SLC25A28: variants seen among roughly 807,000 people sequenced by gnomAD.
SLC25A28 encodes solute carrier family 25 member 28, also known as mitoferrin-2.
Under a neutral mutation model 31.9 loss-of-function variants are expected in SLC25A28, and 10 were observed. The ratio of observed to expected loss-of-function variants is 0.31; its 90% CI spans 0.19 to 0.53. The LOEUF (loss-of-function observed/expected upper bound fraction) is 0.53. Ranked by LOEUF, SLC25A28 falls within the 20% of genes least tolerant of loss-of-function variation. SLC25A28 has a pLI of 0.95. For missense variants in SLC25A28, 256 were observed against 490.3 expected, an observed-to-expected ratio of 0.52 and a Z score of 4.51; for synonymous variants, 208 against 203.6, an observed-to-expected ratio of 1.02 and a Z score of -0.19.
the SLC25A28 span, among the ~76,000 whole-genome samples, chr10:99,629,038 A>G: frequency 1.3e-5 from 2 of 152,162 alleles, no homozygotes; most frequent in East Asian, 1.9e-4. Flanking sequence ...TATGACTGCT[A>G]TAATTTGGAT....
At chr10:99,633,199 G>A in the SLC25A28 span, among the ~76,000 whole-genome samples, 13 of 152,030 alleles carry the variant, frequency 8.6e-5, no homozygotes, top group South Asian at 8.3e-4. Flanking sequence ...ATCTGTGTGC[G>A]TGATTTTCCT....
chr10:99,624,157 CTTCCTTTCTCCTTCCTTCCTTTT>C (rs2034840183), upstream of SLC25A28, among the ~76,000 whole-genome samples: 1 of 135,350 alleles, frequency 7.4e-6, no homozygotes, highest in African/African-American at 2.7e-5. Context: ...TTCTTTCTTT[CTTCCTTTCTCCTTCCTTCCTTTT>C]TTTCTTCCTT....
the SLC25A28 span, among the ~76,000 whole-genome samples, chr10:99,651,380 G>A: frequency 6.6e-6 from 1 of 152,154 alleles, no homozygotes; most frequent in African/African-American, 2.4e-5. Context: ...TTGGTGAAGT[G>A]CACAAATCTT....
At chr10:99,640,886 G>A in the SLC25A28 span, among the ~76,000 whole-genome samples, 1 of 152,106 alleles carries the variant, frequency 6.6e-6, no homozygotes, top group Non-Finnish European at 1.5e-5. Flanking sequence ...CCCTACAAAG[G>A]ACATGAATTC....
chr10:99,620,091 G>A lies in SLC25A28; in HGVS notation c.245C>T (p.Ala82Val). 1 of 1,580,488 alleles carries A rather than the reference G, an allele frequency of 6.3e-7. No individual in the cohort carries two copies. Residue 82 changes from alanine (A) to valine (V), a missense_variant, in exon 1 of 4, where the codon GCA becomes GTA. This residue lies in a region of SLC25A28 where 158 missense variants were observed against 379.1 expected (regional missense o/e 0.42). Coordinates refer to ENST00000370495, the MANE Select transcript of SLC25A28 (RefSeq NM_031212.4). ...CATCACGCAGTGCTCCAGGATCCCT[G>A]CCACGGCGCCTGCCACCATGTGCGT... Reference protein sequence around the residue: ...VTTHMVAGAVAGILEHCVMYP... With the variant: ...VTTHMVAGAVVGILEHCVMYP...
At chr10:99,652,438 T>G in the SLC25A28 span, among the ~76,000 whole-genome samples, 1 of 152,122 alleles carries the variant, frequency 6.6e-6, no homozygotes, top group African/African-American at 2.4e-5. Flanking sequence ...AATGCCCCTT[T>G]TTTTTTGTCC....
At chr10:99,649,525 A>C in the SLC25A28 span, among the ~76,000 whole-genome samples, 1 of 152,222 alleles carries the variant, frequency 6.6e-6, no homozygotes, top group Non-Finnish European at 1.5e-5. Context: ...CAGAAGAATT[A>C]GCAATAGTTC....
At chr10:99,629,743 G>A in the SLC25A28 span, among the ~76,000 whole-genome samples, 1 of 152,234 alleles carries the variant, frequency 6.6e-6, no homozygotes, top group African/African-American at 2.4e-5. Flanking sequence ...AGATGCAGCA[G>A]GCAGGGGAGA....
intron 2 of SLC25A28, 63 bp from the exon 3 acceptor site, chr10:99,612,662 C>T (rs1056174916): frequency 6.3e-7 from 1 of 1,587,372 alleles, no homozygotes; most frequent in Non-Finnish European, 8.7e-7. Context: ...CATTGAGGTC[C>T]CCCAGTGAAG....
At chr10:99,623,975 T>C (rs1241011211), upstream of SLC25A28, among the ~76,000 whole-genome samples, 1 of 152,180 alleles carries the variant, frequency 6.6e-6, no homozygotes, top group East Asian at 1.9e-4. Flanking sequence ...CCTGAAGAAT[T>C]TGTTAAAATG....
At chr10:99,635,673 A>G in the SLC25A28 span, among the ~76,000 whole-genome samples, 1 of 51,602 alleles carries the variant, frequency 1.9e-5, no homozygotes, top group South Asian at 8.3e-4. Flanking sequence ...GCATGATTCC[A>G]TCTCAAAAAA....
rs1266749953 is a variant in SLC25A28 at position 99,611,677 on chromosome 10, T to C, written c.578-311A>G. ...AGAGTCTTCTTGAACTAAGTACCTATCTCTGATCTTACCCTCTAACAATTC... is the reference window on the plus strand; with the variant it reads ...AGAGTCTTCTTGAACTAAGTACCTACCTCTGATCTTACCCTCTAACAATTC... On this transcript the variant is annotated intron_variant, in intron 3 of 3. Transcript: ENST00000370495. The surrounding 1 kb of genome is among the most constrained non-coding windows in gnomAD (Gnocchi z 5.5). Among the ~76,000 whole-genome samples the C allele has an allele frequency of 6.6e-6, 1 of 152,130 alleles. No individual in the cohort carries two copies. Among genetic ancestry groups the C allele is most frequent in the African/African-American group, 2.4e-5 (1 of 41,416 alleles).
chr10:99,633,423 C>T, the SLC25A28 span, among the ~76,000 whole-genome samples: 1 of 151,926 alleles, frequency 6.6e-6, no homozygotes, highest in South Asian at 2.1e-4. Context: ...AGGCCAGGCG[C>T]GGTGGCTCAC....
At chr10:99,636,332 A>G in the SLC25A28 span, among the ~76,000 whole-genome samples, 1 of 152,354 alleles carries the variant, frequency 6.6e-6, no homozygotes, top group African/African-American at 2.4e-5. Flanking sequence ...CTTCAAAACC[A>G]TGCAAATATA....
the SLC25A28 span, among the ~76,000 whole-genome samples, chr10:99,627,574 G>T: frequency 1.3e-5 from 2 of 151,618 alleles, no homozygotes; most frequent in Non-Finnish European, 2.9e-5. Context: ...CCAAGTAGCT[G>T]GGACTATAGT....
Position 99,610,790 on chromosome 10 carries a change from G to T in SLC25A28, c.*59C>A. 1 of 1,560,814 alleles carries T rather than the reference G, an allele frequency of 6.4e-7. No homozygotes were observed. On this transcript the variant is annotated 3_prime_UTR_variant, in exon 4 of 4. Transcript: ENST00000370495. ...TGAGGTGGGAGCATTCCAGGAGACA[G>T]AGAATGTGACCAGGATGCAGCAGTG...
upstream of SLC25A28, chr10:99,622,689 C>T (rs1045993949): frequency 2.0e-6 from 2 of 985,358 alleles, no homozygotes; most frequent in Non-Finnish European, 2.4e-6. Context: ...ATCTCAGTCG[C>T]TTACACTTCT....
the SLC25A28 span, among the ~76,000 whole-genome samples, chr10:99,651,552 T>C: frequency 1.3e-5 from 2 of 151,238 alleles, no homozygotes; most frequent in Admixed American, 1.3e-4. Flanking sequence ...CTCTTAGTAG[T>C]GTGTTTTGAA....
intron 1 of SLC25A28, 101 bp downstream of exon 1, chr10:99,619,944 A>G (rs1356194715): frequency 3.2e-6 from 4 of 1,245,170 alleles, no homozygotes; most frequent in Non-Finnish European, 4.2e-6. Flanking sequence ...CCAGGAAGGA[A>G]CCCATGTCGG....
Sources: allele counts gnomAD v4.1 joint callset (sites outside exome capture counted in the v4.1 genomes callset), GRCh38; gene constraint gnomAD v4.1.1; regional missense constraint gnomAD v4.1.1; non-coding constraint Gnocchi (gnomAD v3.1); transcripts MANE v1.5; gene names NCBI Gene and HGNC (gene_info 2026-07-23, HGNC 2026-07-21).